TMEM178A: variants seen among roughly 807,000 people sequenced by gnomAD.
TMEM178A encodes the protein transmembrane protein 178.
Under a neutral mutation model 29.1 loss-of-function variants are expected in TMEM178A, and 12 were observed. The observed-to-expected ratio is 0.41, with a 90% CI of 0.26 to 0.67. The LOEUF (loss-of-function observed/expected upper bound fraction) is 0.67. Among genes scored for constraint, TMEM178A ranks in the 30% least tolerant of loss-of-function variants. The probability of loss-of-function intolerance (pLI) is 0.29; values close to 1 mark genes in which losing one functional copy is unlikely to be tolerated. For missense variants in TMEM178A, 366 were observed against 419.1 expected (o/e 0.87, Z 1.11); for synonymous variants, 210 against 187.2 (o/e 1.12, Z -0.99).
At chr2:39,711,402 C>A (rs1480785973) in intron 3 of TMEM178A, among the ~76,000 whole-genome samples, 2 of 152,158 alleles carry the variant, frequency 1.3e-5, no homozygotes, top group Admixed American at 6.5e-5. Context: ...TTTTAATTCA[C>A]CAGGAGTCTT....
intron 3 of TMEM178A, 27 bp downstream of exon 3, chr2:39,707,213 T>C: frequency 6.3e-7 from 1 of 1,590,202 alleles, no homozygotes; most frequent in Admixed American, 1.8e-5. Context: ...AGGCCGTCTG[T>C]CCCAGCCAAG....
chr2:39,681,413 C>T (rs1388595498), intron 1 of TMEM178A, among the ~76,000 whole-genome samples: 2 of 152,130 alleles, frequency 1.3e-5, no homozygotes, highest in Admixed American at 6.5e-5. Context: ...CTGTCATAAG[C>T]ATTTTGGTCA....
chr2:39,679,972 G>A (rs1449046026), intron 1 of TMEM178A, among the ~76,000 whole-genome samples: 1 of 152,132 alleles, frequency 6.6e-6, no homozygotes, highest in East Asian at 1.9e-4. Flanking sequence ...TGCTCTTCAG[G>A]CTCTTCAAGC....
At chr2:39,726,581 G>A in the TMEM178A span, among the ~76,000 whole-genome samples, 1 of 152,158 alleles carries the variant, frequency 6.6e-6, no homozygotes, top group Non-Finnish European at 1.5e-5. Context: ...CAGAAAAACA[G>A]GCAAAATACC....
intron 1 of TMEM178A, chr2:39,698,063 A>C (rs1170270550): frequency 6.6e-6 from 1 of 152,230 alleles, no homozygotes; most frequent in East Asian, 1.9e-4. Flanking sequence ...CTTTGTTTCC[A>C]AAAGAGCACA....
intron 3 of TMEM178A, among the ~76,000 whole-genome samples, chr2:39,707,554 C>G (rs1672091825): frequency 6.6e-6 from 1 of 152,168 alleles, no homozygotes; most frequent in South Asian, 2.1e-4. Flanking sequence ...CCACTGCAAC[C>G]TCTGTCTCCT....
intron 1 of TMEM178A, among the ~76,000 whole-genome samples, chr2:39,694,988 T>G (rs1365772312): frequency 2.0e-5 from 3 of 152,354 alleles, no homozygotes; most frequent in East Asian, 3.9e-4. Context: ...CTAAACTTAC[T>G]GTATTTAGTT....
At chr2:39,706,899 G>T (rs1342008119) in intron 2 of TMEM178A, 150 bp from the exon 3 acceptor site, 10 of 816,214 alleles carry the variant, frequency 1.2e-5, no homozygotes, top group African/African-American at 1.7e-5. Context: ...TACCTGGGAA[G>T]AGTATTCCCT....
At chr2:39,731,517 C>T in the TMEM178A span, among the ~76,000 whole-genome samples, 4 of 152,168 alleles carry the variant, frequency 2.6e-5, no homozygotes, top group African/African-American at 9.7e-5. Context: ...TCTTTTACAA[C>T]AGCCAATCAC....
chr2:39,702,430 G>GACC (rs1183286141), intron 1 of TMEM178A, among the ~76,000 whole-genome samples: 1 of 152,050 alleles, frequency 6.6e-6, no homozygotes, highest in Non-Finnish European at 1.5e-5. Flanking sequence ...TTCACTTCCT[G>GACC]CTTACAGAGC....
At chr2:39,735,526 T>C in the TMEM178A span, among the ~76,000 whole-genome samples, 59 of 152,298 alleles carry the variant, frequency 3.9e-4, no homozygotes, top group African/African-American at 1.2e-3. Flanking sequence ...ATACACTTTC[T>C]ATAACACTAG....
At chr2:39,733,893 T>A in the TMEM178A span, among the ~76,000 whole-genome samples, 1 of 152,180 alleles carries the variant, frequency 6.6e-6, no homozygotes, top group Non-Finnish European at 1.5e-5. Context: ...ATTCCTCCAA[T>A]TGTGGACTGC....
intron 3 of TMEM178A, among the ~76,000 whole-genome samples, chr2:39,707,564 T>G (rs1672092719): frequency 6.6e-6 from 1 of 152,176 alleles, no homozygotes; most frequent in Admixed American, 6.5e-5. Flanking sequence ...CTCTGTCTCC[T>G]GGGTTCAAGT....
Position 39,705,052 on chromosome 2 carries a change from G to A in TMEM178A, c.514+858G>A, listed in dbSNP as rs559842539. On this transcript the variant is annotated intron_variant, in intron 2 of 3. Transcript: ENST00000281961. ...AGCAGTGGTCTAATATACATATTATGGCAGGCAACTTTAAGACTTAATCAT... is the reference window on the plus strand; with the variant it reads ...AGCAGTGGTCTAATATACATATTATAGCAGGCAACTTTAAGACTTAATCAT... Among the ~76,000 whole-genome samples, 4 of 152,318 alleles carry A rather than the reference G, an allele frequency of 2.6e-5. No homozygotes were observed. The South Asian group carries it at 6.2e-4, about 24-fold the overall frequency.
chr2:39,716,766 G>C (rs758025959), intron 3 of TMEM178A, among the ~76,000 whole-genome samples: 5 of 151,952 alleles, frequency 3.3e-5, no homozygotes, highest in African/African-American at 1.2e-4. Flanking sequence ...AATAATTCAG[G>C]TTATCAGAAT....
At chr2:39,727,997 A>G in the TMEM178A span, among the ~76,000 whole-genome samples, 1 of 152,122 alleles carries the variant, frequency 6.6e-6, no homozygotes, top group Admixed American at 6.5e-5. Flanking sequence ...AGTCTTTGCT[A>G]TTGTGAATAA....
intron 1 of TMEM178A, among the ~76,000 whole-genome samples, chr2:39,690,778 T>A (rs891648183): frequency 1.3e-5 from 2 of 152,196 alleles, no homozygotes; most frequent in African/African-American, 2.4e-5. Context: ...TGATAGAGAA[T>A]TCAAAATAGT....
At chr2:39,697,771 C>G (rs374813812) in intron 1 of TMEM178A, 2 of 152,810 alleles carry the variant, frequency 1.3e-5, no homozygotes, top group Admixed American at 6.5e-5. Context: ...CCAGCTGCCA[C>G]CTCCTTCCTG....
chr2:39,686,128 A>G (rs1042107156), intron 1 of TMEM178A, among the ~76,000 whole-genome samples: 1 of 152,194 alleles, frequency 6.6e-6, no homozygotes, highest in African/African-American at 2.4e-5. Flanking sequence ...AGAGCAATCT[A>G]CTGAGCCCTG....
Sources: gnomAD v4.1 joint callset for allele counts (sites outside exome capture counted in the v4.1 genomes callset) on GRCh38, gnomAD v4.1.1 for gene constraint, MANE v1.5 for transcripts, NCBI Gene and HGNC (gene_info 2026-07-23, HGNC 2026-07-21) for gene names.